The following THRB variants were observed in gnomAD, a reference collection of about 807,000 sequenced individuals.
The protein encoded by THRB is thyroid hormone receptor beta.
Under a neutral mutation model 47.8 loss-of-function variants are expected in THRB, and 12 were observed. The observed-to-expected ratio is 0.25, with a 90% CI of 0.16 to 0.41. The LOEUF (loss-of-function observed/expected upper bound fraction) is 0.41, where lower values mean the gene tolerates loss of function less well. Among genes scored for constraint, THRB ranks in the 10% least tolerant of loss-of-function variants. The pLI is 1.00. For missense variants in THRB, 348 were observed against 589.2 expected (o/e 0.59, Z 4.24); for synonymous variants, 218 against 212.2 (o/e 1.03, Z -0.24).
At chr3:24,483,660 A>G (rs1696816497) in intron 1 of THRB, among the ~76,000 whole-genome samples, 1 of 152,370 alleles carries the variant, frequency 6.6e-6, no homozygotes, top group Middle Eastern at 3.4e-3. Flanking sequence ...AAGGTTAAAG[A>G]TGACCCCATA....
At chr3:24,284,109 G>T (rs1378324019) in intron 3 of THRB, among the ~76,000 whole-genome samples, 1 of 146,084 alleles carries the variant, frequency 6.8e-6, no homozygotes, top group Non-Finnish European at 1.5e-5. Context: ...CCAAAAAAGA[G>T]CCCGCATCGC....
At chr3:24,469,420 T>C (rs1396382209) in intron 1 of THRB, among the ~76,000 whole-genome samples, 2 of 152,192 alleles carry the variant, frequency 1.3e-5, no homozygotes, top group East Asian at 3.8e-4. Context: ...CTGATGCCTT[T>C]AGCATCACCA....
chr3:24,146,645 T>C, intron 7 of THRB, 30 bp downstream of exon 7: 8 of 1,613,108 alleles, frequency 5.0e-6, no homozygotes, highest in Non-Finnish European at 6.8e-6. Flanking sequence ...CAACATTCCT[T>C]GAATATGAAG....
chr3:24,222,303 G>A (rs1373532980), intron 4 of THRB, among the ~76,000 whole-genome samples: 1 of 152,180 alleles, frequency 6.6e-6, no homozygotes, highest in African/African-American at 2.4e-5. Context: ...TGCTTTCCAA[G>A]GTAAGTGAGG....
chr3:24,313,265 C>T (rs996609671), intron 2 of THRB, among the ~76,000 whole-genome samples: 4 of 152,144 alleles, frequency 2.6e-5, no homozygotes, highest in Admixed American at 2.0e-4. Context: ...TTGTCTGCAC[C>T]ACTCATCTTT....
intron 1 of THRB, among the ~76,000 whole-genome samples, chr3:24,338,871 C>T (rs1045284103): frequency 2.6e-5 from 4 of 152,196 alleles, no homozygotes; most frequent in African/African-American, 9.7e-5. Flanking sequence ...TCTTCAATAT[C>T]TCTCTGCACC....
intron 1 of THRB, among the ~76,000 whole-genome samples, chr3:24,396,003 C>T (rs1363761143): frequency 5.9e-5 from 9 of 152,012 alleles, no homozygotes; most frequent in African/African-American, 2.2e-4. Flanking sequence ...GAAATGGGGA[C>T]TGACTGCTAG....
At chr3:24,191,809 T>C (rs1390904453) in intron 4 of THRB, among the ~76,000 whole-genome samples, 4 of 152,178 alleles carry the variant, frequency 2.6e-5, no homozygotes, top group African/African-American at 7.2e-5. Context: ...CCATGAACAA[T>C]AGTAACAAAG....
At position 24,122,606 on chromosome 3, in the gene THRB, T is replaced by C. The variant is rs2031893857; in HGVS notation, c.*278A>G. The C allele has an allele frequency of 2.1e-6, 1 of 473,252 alleles. No homozygotes were observed. Among genetic ancestry groups the C allele is most frequent in the Admixed American group, 3.4e-5 (1 of 29,682 alleles). The allele number at this position is 473,252 out of a possible 1,614,324, so 29.3% of individuals were successfully genotyped here. A position where few individuals can be genotyped will look rare whatever the true frequency, so the allele number is the denominator to read the frequency against. Reference sequence around the variant, plus strand: ...ACCAGGGACGGGTGGGAGCTGGTGATGCTTGGTGCTGGTGAGTTAATGATT... The same window carrying C: ...ACCAGGGACGGGTGGGAGCTGGTGACGCTTGGTGCTGGTGAGTTAATGATT... On this transcript the variant is annotated 3_prime_UTR_variant, in exon 11 of 11. Transcript: ENST00000646209.
chr3:24,359,805 A>G (rs1390399524), intron 1 of THRB, among the ~76,000 whole-genome samples: 1 of 152,130 alleles, frequency 6.6e-6, no homozygotes, highest in South Asian at 2.1e-4. Flanking sequence ...TTATCTGTCC[A>G]TTCTTTCTGC....
chr3:24,146,186 G>A (rs946561493), intron 7 of THRB, among the ~76,000 whole-genome samples: 3 of 152,108 alleles, frequency 2.0e-5, no homozygotes, highest in African/African-American at 4.8e-5. Context: ...TTCTGAACAC[G>A]ATGTTTTCTG....
intron 1 of THRB, among the ~76,000 whole-genome samples, chr3:24,360,076 G>T (rs1158275984): frequency 6.6e-6 from 1 of 152,084 alleles, no homozygotes; most frequent in African/African-American, 2.4e-5. Context: ...CTAAAGATGT[G>T]CTCCAGTAAT....
intron 5 of THRB, among the ~76,000 whole-genome samples, chr3:24,166,786 C>T (rs1007538247): frequency 1.3e-5 from 2 of 152,168 alleles, no homozygotes; most frequent in East Asian, 1.9e-4. Context: ...TGGTATTTGT[C>T]TCTAAAGGAC....
At chr3:24,356,551 A>G (rs2063683840) in intron 1 of THRB, among the ~76,000 whole-genome samples, 1 of 152,114 alleles carries the variant, frequency 6.6e-6, no homozygotes. Context: ...CTTTGCTAAT[A>G]TGATCCCATT....
chr3:24,262,771 T>C (rs889821331), intron 3 of THRB, among the ~76,000 whole-genome samples: 1 of 152,250 alleles, frequency 6.6e-6, no homozygotes, highest in Non-Finnish European at 1.5e-5. Context: ...TTTTCACCTT[T>C]GAATATACTT....
At chr3:24,152,536 C>T (rs763076599) in intron 5 of THRB, 46 bp from the exon 6 acceptor site, 16 of 1,049,196 alleles carry the variant, frequency 1.5e-5, no homozygotes, top group African/African-American at 7.8e-5. Context: ...AATATGTTAA[C>T]GTCAAAGAGA....
rs1694962054 is a variant in THRB, at chr3:24,473,234, T to G, written c.-261+21418A>C. Among the ~76,000 whole-genome samples the G allele has an allele frequency of 2.0e-5, 3 of 152,258 alleles. No individual in the cohort carries two copies. In the South Asian group the frequency reaches 6.2e-4, roughly 31 times the overall value. On this transcript the variant is annotated intron_variant, in intron 1 of 10. Coordinates refer to ENST00000646209, the MANE Select transcript of THRB (RefSeq NM_001354712.2). ...GTTCTTCTAAAAGTTTCAACCATTTTGGCATATCAATTTTTAAAATACGAT... is the reference window on the plus strand; with the variant it reads ...GTTCTTCTAAAAGTTTCAACCATTTGGGCATATCAATTTTTAAAATACGAT...
At chr3:24,273,852 G>C (rs987728102) in intron 3 of THRB, among the ~76,000 whole-genome samples, 1 of 151,760 alleles carries the variant, frequency 6.6e-6, no homozygotes, top group East Asian at 1.9e-4. Flanking sequence ...AAGGATTTTG[G>C]ATAAGGAACT....
At chr3:24,267,230 G>A (rs1211953817) in intron 3 of THRB, among the ~76,000 whole-genome samples, 6 of 151,928 alleles carry the variant, frequency 3.9e-5, no homozygotes, top group Admixed American at 3.9e-4. Context: ...CAGTGAAGAG[G>A]AAAATGACAG....
Sources: allele counts gnomAD v4.1 joint callset (sites outside exome capture counted in the v4.1 genomes callset), GRCh38; gene constraint gnomAD v4.1.1; transcripts MANE v1.5; gene names NCBI Gene and HGNC (gene_info 2026-07-23, HGNC 2026-07-21).